MAMSTR: variants seen among roughly 807,000 people sequenced by gnomAD.
The protein encoded by MAMSTR is MEF2-activating motif and SAP domain-containing transcriptional regulator.
A neutral mutation model predicts 42.7 loss-of-function variants in MAMSTR; 41 were observed. That is an observed-to-expected ratio of 0.96 (90% confidence interval 0.75 to 1.25). MAMSTR has a LOEUF of 1.25. Among genes scored for constraint, MAMSTR ranks in the 50% most tolerant of loss-of-function variants. The probability of loss-of-function intolerance (pLI) is 0.00; values close to 1 mark genes in which losing one functional copy is unlikely to be tolerated. For synonymous variants in MAMSTR, 265 were observed against 244.1 expected, an observed-to-expected ratio of 1.09 and a Z score of -0.80; for missense variants, 567 against 557.6, an observed-to-expected ratio of 1.02 and a Z score of -0.17.
At chr19:48,711,957 C>T (rs192084147), downstream of MAMSTR, among the ~76,000 whole-genome samples, 2,068 of 134,320 alleles carry the variant, frequency 0.015, 42 homozygotes, top group African/African-American at 0.05. Flanking sequence ...CGGGTTTCAC[C>T]GTGTTAGCCA....
In MAMSTR at chr19:48,713,918, G is replaced by T. The variant is rs2032846339; in HGVS notation, c.851C>A (p.Pro284Gln). 2.3e-5 allele frequency: 37 copies of T among 1,611,968 alleles called. No individual in the cohort carries two copies. The highest frequency in any genetic ancestry group is 3.1e-5 in the Non-Finnish European group (36 of 1,178,656). ...AAPALTPSSG[P>Q]GSAALTLEEE... Reference sequence around the variant, plus strand: ...CTCCAGAGTCAGAGCCGCTGAGCCCGGCCCTGAGGAAGGGGTCAGGGCTGG... The same window carrying T: ...CTCCAGAGTCAGAGCCGCTGAGCCCTGCCCTGAGGAAGGGGTCAGGGCTGG... Residue 284 changes from proline (P) to glutamine (Q), a missense_variant, in exon 8 of 10, where the codon CCG (proline) becomes CAG (glutamine). By Grantham distance (76) the Pro-to-Gln change is moderately conservative. Coordinates refer to ENST00000318083, the MANE Select transcript of MAMSTR (RefSeq NM_001130915.2).
In MAMSTR at chr19:48,714,030, C is replaced by T. The variant is rs1379911122; in HGVS notation, c.739G>A (p.Ala247Thr). The change falls in exon 8 of 10, where the codon GCA becomes ACA. Residue 247 changes from alanine (A) to threonine (T), a missense_variant. By Grantham distance (58) the Ala-to-Thr change is moderately conservative. Coordinates refer to ENST00000318083, the MANE Select transcript of MAMSTR (RefSeq NM_001130915.2). ...CGTGGAAGAGGTGGCCTGTGAGATG[C>T]TGCGCTGGGCTTGACCTAGAGCAGC... ...RRQGSVKPSA[A>T]SHRPPLPRAA... 6 of 1,595,396 alleles carry T rather than the reference C, an allele frequency of 3.8e-6. No individual in the cohort carries two copies. The highest frequency in any genetic ancestry group is 1.3e-5 in the African/African-American group (1 of 74,588).
rs752971412 is a variant in MAMSTR, at chr19:48,713,775, G to A, written c.910-5C>T. On this transcript the variant is annotated splice_polypyrimidine_tract_variant and splice_region_variant and intron_variant, in intron 8 of 9. Coordinates refer to ENST00000318083, the MANE Select transcript of MAMSTR (RefSeq NM_001130915.2). ...GATGCCCCGGTTAGGAAGCAACTGC[G>A]GATGGAGAAATTTGGCGTGAACTCG... 3 of 1,614,096 alleles carry A rather than the reference G, an allele frequency of 1.9e-6. No individual in the cohort carries two copies. Among genetic ancestry groups the A allele is most frequent in the African/African-American group, 2.7e-5 (2 of 74,940 alleles).
At chr19:48,715,027 G>T in intron 5 of MAMSTR, 119 bp from the exon 6 acceptor site, 1 of 718,064 alleles carries the variant, frequency 1.4e-6, no homozygotes, top group Non-Finnish European at 2.3e-6. Context: ...CCAGAATTCT[G>T]GGTCTCCAAG....
At chr19:48,714,295 T>C in intron 7 of MAMSTR, 71 bp downstream of exon 7, 1 of 1,282,098 alleles carries the variant, frequency 7.8e-7, no homozygotes, top group Non-Finnish European at 1.0e-6. Context: ...TTGGCTAGTT[T>C]TTTCGACACC....
Position 48,714,556 on chromosome 19 carries a change from G to A in MAMSTR, c.533C>T (p.Ser178Leu). The A allele has an allele frequency of 6.8e-7, 1 of 1,462,698 alleles. No homozygotes were observed. Among genetic ancestry groups the A allele is most frequent in the Non-Finnish European group, 8.9e-7 (1 of 1,120,146 alleles). 90.6% of individuals were successfully genotyped at this position (1,462,698 alleles called of 1,614,324 possible). A position where few individuals can be genotyped will look rare whatever the true frequency, so the allele number is the denominator to read the frequency against. Residue 178 changes from serine (S) to leucine (L), a missense_variant, in exon 7 of 10, where the codon TCA becomes TTA. By Grantham distance (145) the Ser-to-Leu change is moderately radical (BLOSUM62 -2). Coordinates refer to ENST00000318083, the MANE Select transcript of MAMSTR (RefSeq NM_001130915.2). ...CAGGCGCAGCTGCTGCCGGAGCTCT[G>A]AGACCTGGGGAGGGGCGGGGCGTGG... is the stretch of plus-strand genomic sequence containing the variant. ...QTLKLEELTV[S>L]ELRQQLRLRG... is the part of the protein sequence containing the mutation.
In MAMSTR at chr19:48,713,508, T is replaced by C; in HGVS notation, c.1007A>G (p.Asp336Gly). Residue 336 changes from aspartate (D) to glycine (G), a missense_variant, in exon 10 of 10, where the codon GAC (aspartate) becomes GGC (glycine). Transcript: ENST00000318083. The part of the protein sequence containing the change: ...PIPLDFPGSF[D>G]VLSPSPDSEG... ...AGAGTCCGGGGAGGGGGACAGCACG[T>C]CGAAGGAGCCAGGGAAGTCCAGGGG... is the stretch of plus-strand genomic sequence containing the variant. 6.2e-7 allele frequency: 1 copy of C among 1,611,808 alleles called. No homozygotes were observed. The highest frequency in any genetic ancestry group is 8.5e-7 in the Non-Finnish European group (1 of 1,179,432).
At chr19:48,710,584 G>A (rs1216440137), downstream of MAMSTR, among the ~76,000 whole-genome samples, 1 of 144,800 alleles carries the variant, frequency 6.9e-6, no homozygotes, top group African/African-American at 2.6e-5. Context: ...ACGGTGTTTG[G>A]CCCTGAAACC....
rs2032778141 is a variant in MAMSTR at position 48,713,057 on chromosome 19, T to C, written c.*210A>G. The C allele has an allele frequency of 1.9e-6, 1 of 514,738 alleles. No individual in the cohort carries two copies. The highest frequency in any genetic ancestry group is 3.2e-5 in the South Asian group (1 of 31,582). 31.9% of individuals were successfully genotyped at this position (514,738 alleles called of 1,614,324 possible). A position where few individuals can be genotyped will look rare whatever the true frequency, so the allele number is the denominator to read the frequency against. ...AGCAGCAAAAGAAGCCCCCCAACCA[T>C]ACCACGCCGGAGGGGGATCATAAGG... On this transcript the variant is annotated 3_prime_UTR_variant, in exon 10 of 10. Coordinates refer to ENST00000318083, the MANE Select transcript of MAMSTR (RefSeq NM_001130915.2).
the MAMSTR span, among the ~76,000 whole-genome samples, chr19:48,707,341 G>A: frequency 1.8e-3 from 260 of 147,470 alleles, 3 homozygotes; most frequent in Middle Eastern, 3.9e-3. Context: ...GCTTGAATCC[G>A]GGAGGTGGAG....
At position 48,719,635 on chromosome 19, in the gene MAMSTR, C is replaced by G. The variant is rs1283757935; in HGVS notation, c.-22+44G>C. The G allele has an allele frequency of 6.5e-6, 1 of 152,746 alleles. No homozygotes were observed. The highest frequency in any genetic ancestry group is 1.5e-5 in the Non-Finnish European group (1 of 68,650). The allele number at this position is 152,746 out of a possible 1,614,324, so 9.5% of individuals were successfully genotyped here. On this transcript the variant is annotated intron_variant, in intron 1 of 9. Coordinates refer to ENST00000318083, the MANE Select transcript of MAMSTR (RefSeq NM_001130915.2). This position sits in a 1 kb window ranked among gnomAD's most constrained non-coding sequence, Gnocchi z 4.4. ...ACTGGGACCAGAGAGGGGATAGAAC[C>G]GTTGAGGAGTGCGCCCCCCCCGTCC...
Position 48,712,847 on chromosome 19 carries a change from G to A in MAMSTR, c.*420C>T, listed in dbSNP as rs2032766613. ...TTTTTCATCTCCAACCAGAACCCAG[G>A]GAGGTCAGGGTCCGGCTCCCCCATT... On this transcript the variant is annotated 3_prime_UTR_variant, in exon 10 of 10. Coordinates refer to ENST00000318083, the MANE Select transcript of MAMSTR (RefSeq NM_001130915.2). 6.1e-6 allele frequency: 1 copy of A among 162,946 alleles called. No individual in the cohort carries two copies. Among genetic ancestry groups the A allele is most frequent in the African/African-American group, 2.4e-5 (1 of 41,772 alleles). The allele number at this position is 162,946 out of a possible 1,614,324, so 10.1% of individuals were successfully genotyped here. A position where few individuals can be genotyped will look rare whatever the true frequency, so the allele number is the denominator to read the frequency against.
intron 2 of MAMSTR, 77 bp downstream of exon 2, chr19:48,718,897 C>T: frequency 3.0e-6 from 4 of 1,335,318 alleles, no homozygotes; most frequent in Non-Finnish European, 4.2e-6. Flanking sequence ...ATGGGACCTA[C>T]CACCCCTCCC....
intron 3 of MAMSTR, 67 bp from the exon 4 acceptor site, chr19:48,715,834 G>T (rs1052557563): frequency 3.2e-5 from 48 of 1,495,634 alleles, no homozygotes; most frequent in Non-Finnish European, 4.2e-5. Context: ...GAGCAAGGCT[G>T]TGTGGAAAGC....
In MAMSTR at chr19:48,714,347, C is replaced by A. The variant is rs1428084078; in HGVS notation, c.723+19G>T. On this transcript the variant is annotated intron_variant, in intron 7 of 9. Transcript: ENST00000318083. ...TGCTTTCTCTTCATTGGTCCGCAAG[C>A]TCATAGCCCCGCCCTCACCGAGCCC... 7.4e-7 allele frequency: 1 copy of A among 1,360,514 alleles called. No homozygotes were observed. Among genetic ancestry groups the A allele is most frequent in the Non-Finnish European group, 9.4e-7 (1 of 1,062,192 alleles). The allele number at this position is 1,360,514 out of a possible 1,614,324, so 84.3% of individuals were successfully genotyped here.
chr19:48,718,695 C>T (rs545161015), intron 2 of MAMSTR, among the ~76,000 whole-genome samples: 14 of 152,200 alleles, frequency 9.2e-5, no homozygotes, highest in African/African-American at 2.6e-4. Context: ...CCTGCGTGTG[C>T]GCCAGTATAA....
chr19:48,708,562 C>T (rs970536292), downstream of MAMSTR, among the ~76,000 whole-genome samples: 2 of 151,882 alleles, frequency 1.3e-5, no homozygotes, highest in African/African-American at 2.4e-5. Flanking sequence ...GGGTGTTGGG[C>T]GCTCGGCAGT....
intron 3 of MAMSTR, among the ~76,000 whole-genome samples, chr19:48,716,374 C>CA (rs35058019): frequency 0.08 from 5,150 of 64,760 alleles, 559 homozygotes; most frequent in African/African-American, 0.2. Context: ...GATTCCATCT[C>CA]AAAAAAAAAA....
rs183262653 is a variant in MAMSTR, at chr19:48,719,585, A to C, written c.-22+94T>G. On this transcript the variant is annotated intron_variant, in intron 1 of 9. Transcript: ENST00000318083. The surrounding 1 kb of genome is among the most constrained non-coding windows in gnomAD (Gnocchi z 4.4). Reference sequence around the variant, plus strand: ...TCTGAGAAGGAGTGAGTAGGGTGTCAGCCACCAGGTTCTCTGGGGAAGGGA... The same window carrying C: ...TCTGAGAAGGAGTGAGTAGGGTGTCCGCCACCAGGTTCTCTGGGGAAGGGA... 1,333 of 155,020 alleles carry C rather than the reference A, an allele frequency of 8.6e-3. 8 individuals carry two copies. Among genetic ancestry groups the C allele is most frequent in the Non-Finnish European group, 0.014 (964 of 69,848 alleles). 9.6% of individuals were successfully genotyped at this position (155,020 alleles called of 1,614,324 possible). A position where few individuals can be genotyped will look rare whatever the true frequency, so the allele number is the denominator to read the frequency against.
Sources: allele counts gnomAD v4.1 joint callset (sites outside exome capture counted in the v4.1 genomes callset), GRCh38; gene constraint gnomAD v4.1.1; non-coding constraint Gnocchi (gnomAD v3.1); transcripts MANE v1.5; gene names NCBI Gene and HGNC (gene_info 2026-07-23, HGNC 2026-07-21).